S1PR5: variants seen among roughly 807,000 people sequenced by gnomAD.
S1PR5 encodes sphingosine 1-phosphate receptor 5.
For missense variants in S1PR5, 583 were observed against 571.7 expected, an observed-to-expected ratio of 1.02 and a Z score of -0.20; for synonymous variants, 307 against 284.7, an observed-to-expected ratio of 1.08 and a Z score of -0.79.
Position 10,514,657 on chromosome 19 carries a change from G to A in S1PR5, c.355C>T (p.Leu119Phe). 6.2e-7 allele frequency: 1 copy of A among 1,605,512 alleles called. No homozygotes were observed. The highest frequency in any genetic ancestry group is 8.5e-7 in the Non-Finnish European group (1 of 1,177,902). Residue 119 changes from leucine (L) to phenylalanine (F), a missense_variant, in exon 2 of 2, where the codon CTC (leucine) becomes TTC (phenylalanine). Transcript: ENST00000333430. ...AGGAGGCTCAGCACGGACGCAGTGA[G>A]TGCCACGAAGACGCCTCCCTCCCGT... ...FAREGGVFVA[L>F]TASVLSLLAI...
chr19:10,513,904 G>T lies in S1PR5; in HGVS notation c.1108C>A (p.Arg370Ser), dbSNP rs781057297. The change falls in exon 2 of 2, where the codon CGC becomes AGC. Residue 370 changes from arginine to serine, a missense_variant. Transcript: ENST00000333430. ...GAGCCGCTGGTGTCCAGCCCGTCGCGCTGGGGCGATGAGCGCTCCGAGCCG... is the reference window on the plus strand; with the variant it reads ...GAGCCGCTGGTGTCCAGCCCGTCGCTCTGGGGCGATGAGCGCTCCGAGCCG... ...FSGSERSSPQRDGLDTSGSTG... is the reference protein window; with the variant it reads ...FSGSERSSPQSDGLDTSGSTG... 4 of 1,609,586 alleles carry T rather than the reference G, an allele frequency of 2.5e-6. No individual in the cohort carries two copies. In the South Asian group the frequency reaches 3.3e-5, roughly 13 times the overall value.
chr19:10,514,529 C>G lies in S1PR5; in HGVS notation c.483G>C (p.Val161=). 4.4e-6 allele frequency: 7 copies of G among 1,590,076 alleles called. No individual in the cohort carries two copies. The highest frequency in any genetic ancestry group is 5.1e-6 in the Non-Finnish European group (6 of 1,169,710). Residue 161 remains valine (V), a synonymous_variant, in exon 2 of 2, where the codon GTG becomes GTC. Coordinates refer to ENST00000333430, the MANE Select transcript of S1PR5 (RefSeq NM_030760.5). The part of the protein sequence containing the change: ...TLAMAAAAWG[V]SLLLGLLPAL... ...CTGGCAGGAGCCCGAGGAGCAGCGA[C>G]ACGCCCCAGGCCGCGGCTGCCATCG...
upstream of S1PR5, chr19:10,517,451 C>A (rs1010228916): frequency 2.2e-5 from 22 of 985,486 alleles, no homozygotes; most frequent in South Asian, 4.7e-4. Flanking sequence ...ACCGAGTGAG[C>A]GGACGCCGCT....
chr19:10,515,076 A>T, intron 1 of S1PR5, 47 bp from the exon 2 acceptor site: 1 of 1,504,312 alleles, frequency 6.6e-7, no homozygotes, highest in Non-Finnish European at 8.8e-7. Flanking sequence ...CCCCGTAAGC[A>T]CGCTCGCAGC....
intron 1 of S1PR5, among the ~76,000 whole-genome samples, chr19:10,515,602 G>A (rs766642824): frequency 2.4e-4 from 36 of 151,912 alleles, no homozygotes; most frequent in Middle Eastern, 3.4e-3. Flanking sequence ...GGCAGAGCGA[G>A]ACTCTGTCTC....
Position 10,514,858 on chromosome 19 carries a change from G to A in S1PR5, c.154C>T (p.Leu52=), listed in dbSNP as rs751506292. The A allele has an allele frequency of 3.5e-5, 56 of 1,612,762 alleles. No individual in the cohort carries two copies. In the East Asian group the frequency reaches 1.2e-3, roughly 33 times the overall value. Residue 52 remains leucine (L), a synonymous_variant, in exon 2 of 2, where the codon CTA becomes TTA. Coordinates refer to ENST00000333430, the MANE Select transcript of S1PR5 (RefSeq NM_030760.5). The stretch of plus-strand genomic sequence containing the variant: ...ACCAACAACACGGCTAGATTCTCTA[G>A]CACGATGAAGGCGCACACCGCCAGG... ...VCLAVCAFIV[L]ENLAVLLVLG...
chr19:10,517,555 G>A, upstream of S1PR5: 1 of 985,412 alleles, frequency 1.0e-6, no homozygotes, highest in Non-Finnish European at 1.2e-6. Context: ...CTTGGGTCCC[G>A]GGCACTCAGC....
At position 10,517,415 on chromosome 19, in the gene S1PR5, C is replaced by A; in HGVS notation, c.-36G>T. 1 of 985,606 alleles carries A rather than the reference C, an allele frequency of 1.0e-6. No homozygotes were observed. The highest frequency in any genetic ancestry group is 1.7e-5 in the African/African-American group (1 of 57,360). 61.1% of individuals were successfully genotyped at this position (985,606 alleles called of 1,614,324 possible). On this transcript the variant is annotated 5_prime_UTR_variant, in exon 1 of 2. Transcript: ENST00000333430. ...CCACTCACTCTGCGCCCTGGTCGTG[C>A]GCCACCCGCAGTCGCGCTGCCTTGA...
chr19:10,515,474 A>G (rs1230311512), intron 1 of S1PR5, among the ~76,000 whole-genome samples: 3 of 152,090 alleles, frequency 2.0e-5, no homozygotes, highest in East Asian at 1.9e-4. Context: ...TTAGCCAGGC[A>G]TGGTGGCACG....
chr19:10,513,609 G>A lies in S1PR5; in HGVS notation c.*206C>T. 2 of 657,112 alleles carry A rather than the reference G, an allele frequency of 3.0e-6. No individual in the cohort carries two copies. The highest frequency in any genetic ancestry group is 5.0e-6 in the Non-Finnish European group (2 of 396,840). The allele number at this position is 657,112 out of a possible 1,614,324, so 40.7% of individuals were successfully genotyped here. ...ATCATCTCCATTATTTCATCACCGA[G>A]TTCTTTTCTGTGTTCCCAAGCAGAA... is the stretch of plus-strand genomic sequence containing the variant. On this transcript the variant is annotated 3_prime_UTR_variant, in exon 2 of 2. Transcript: ENST00000333430.
At chr19:10,517,585 C>A (rs1183819112), upstream of S1PR5, 2 of 985,372 alleles carry the variant, frequency 2.0e-6, no homozygotes, top group African/African-American at 3.5e-5. Context: ...CCAGCCTGTG[C>A]CACTCGCCGC....
chr19:10,514,719 G>A lies in S1PR5; in HGVS notation c.293C>T (p.Pro98Leu). The change falls in exon 2 of 2, where the codon CCG becomes CTG. Residue 98 changes from proline to leucine, a missense_variant. Physicochemically the swap from Pro to Leu is moderately conservative, Grantham distance 98 (BLOSUM62 -3). Coordinates refer to ENST00000333430, the MANE Select transcript of S1PR5 (RefSeq NM_030760.5). ...AYAANILLSG[P>L]LTLKLSPALW... The stretch of plus-strand genomic sequence containing the variant: ...CGCGGGGGACAGTTTCAGCGTGAGC[G>A]GCCCCGACAGTAGGATGTTGGCGGC... 1 of 1,611,082 alleles carries A rather than the reference G, an allele frequency of 6.2e-7. No individual in the cohort carries two copies. Among genetic ancestry groups the A allele is most frequent in the East Asian group, 2.2e-5 (1 of 44,796 alleles).
rs1242105809 is a variant in S1PR5 at position 10,514,919 on chromosome 19, C to A, written c.93G>T (p.Gln31His). 3.1e-6 allele frequency: 5 copies of A among 1,609,922 alleles called. No homozygotes were observed. The highest frequency in any genetic ancestry group is 4.2e-6 in the Non-Finnish European group (5 of 1,178,850). The change falls in exon 2 of 2, where the codon CAG becomes CAT. Residue 31 changes from glutamine to histidine, a missense_variant. Transcript: ENST00000333430. ...CGTCGGCGCGCAGGCCGGCACCCGG[C>A]TGGTAGCGCGCACCGCGGAGCTTGC... is the stretch of plus-strand genomic sequence containing the variant. Reference protein sequence around the residue: ...YTGKLRGARYQPGAGLRADAV... With the variant: ...YTGKLRGARYHPGAGLRADAV...
chr19:10,514,333 G>T lies in S1PR5; in HGVS notation c.679C>A (p.Pro227Thr). The stretch of plus-strand genomic sequence containing the variant: ...GTCCCCGCAGTCCCGGGCCGTGCCG[G>T]CAGGCGCCGCGCGTTGGCGCGTACC... Reference protein sequence around the residue: ...CQVRANARRLPARPGTAGTTS... With the variant: ...CQVRANARRLTARPGTAGTTS... Residue 227 changes from proline (P) to threonine (T), a missense_variant, in exon 2 of 2, where the codon CCG becomes ACG. By Grantham distance (38) the Pro-to-Thr change is conservative. Coordinates refer to ENST00000333430, the MANE Select transcript of S1PR5 (RefSeq NM_030760.5). The T allele has an allele frequency of 6.4e-7, 1 of 1,564,310 alleles. No homozygotes were observed. Among genetic ancestry groups the T allele is most frequent in the Non-Finnish European group, 8.7e-7 (1 of 1,156,002 alleles).
intron 1 of S1PR5, among the ~76,000 whole-genome samples, 151 bp from the exon 2 acceptor site, chr19:10,515,180 C>T (rs1018171491): frequency 3.9e-5 from 6 of 152,204 alleles, no homozygotes; most frequent in Non-Finnish European, 8.8e-5. Flanking sequence ...GGGATAGAGT[C>T]CGTGGAGACA....
intron 1 of S1PR5, 62 bp from the exon 2 acceptor site, chr19:10,515,091 G>A (rs773770166): frequency 1.3e-6 from 2 of 1,501,318 alleles, no homozygotes; most frequent in Non-Finnish European, 8.8e-7. Flanking sequence ...CGCAGCAGCC[G>A]GCTAAGTCGT....
chr19:10,517,296 G>A (rs1284838621), intron 1 of S1PR5, 102 bp downstream of exon 1: 1 of 868,142 alleles, frequency 1.2e-6, no homozygotes, highest in South Asian at 5.2e-5. Context: ...CTCCCTGCAA[G>A]GAGTGGTGCG....
rs1915335788 is a variant in S1PR5, at chr19:10,513,528, C to G, written c.*287G>C. 1.8e-6 allele frequency: 1 copy of G among 569,842 alleles called. No individual in the cohort carries two copies. 35.3% of individuals were successfully genotyped at this position (569,842 alleles called of 1,614,324 possible). ...CTCAGCTCACATCACAAGTCACTAC[C>G]TCTGCAGAGAGGTCTTCCCTGACCA... On this transcript the variant is annotated 3_prime_UTR_variant, in exon 2 of 2. Transcript: ENST00000333430.
chr19:10,514,179 G>A lies in S1PR5; in HGVS notation c.833C>T (p.Pro278Leu), dbSNP rs760480689. 3.1e-6 allele frequency: 5 copies of A among 1,612,408 alleles called. No individual in the cohort carries two copies. The highest frequency in any genetic ancestry group is 2.2e-5 in the South Asian group (2 of 91,028). ...FLLLLLDVAC[P>L]ARTCPVLLQA... is the part of the protein sequence containing the mutation. ...CAGGAGTACAGGACAGGTGCGCGCC[G>A]GGCACGCCACGTCGAGCAACAGCAG... is the stretch of plus-strand genomic sequence containing the variant. The change falls in exon 2 of 2, where the codon CCG (proline) becomes CTG (leucine). Residue 278 changes from proline to leucine, a missense_variant. Pro to Leu is a moderately conservative substitution (Grantham distance 98). Transcript: ENST00000333430.
Sources: gnomAD v4.1 joint callset for allele counts (sites outside exome capture counted in the v4.1 genomes callset) on GRCh38, gnomAD v4.1.1 for gene constraint, MANE v1.5 for transcripts, NCBI Gene and HGNC (gene_info 2026-07-23, HGNC 2026-07-21) for gene names.